Variants in EFS observed in about 807,000 individuals in gnomAD.
EFS encodes the protein Cas scaffolding protein family member 3.
Under a neutral mutation model 42.2 loss-of-function variants are expected in EFS, and 34 were observed. That is an observed-to-expected ratio of 0.81 (90% CI 0.61 to 1.07). EFS has a LOEUF of 1.07. Among genes scored for constraint, EFS ranks in the 50% least tolerant of loss-of-function variants. EFS has a pLI of 0.00. For synonymous variants in EFS, 299 were observed against 320.7 expected (o/e 0.93, Z 0.72); for missense variants, 717 against 729.4 (o/e 0.98, Z 0.20).
In EFS at chr14:23,360,266, G is replaced by A. The variant is rs1890099715; in HGVS notation, c.313C>T (p.Pro105Ser). The change falls in exon 3 of 6, where the codon CCC (proline) becomes TCC (serine). Residue 105 changes from proline (P) to serine (S), a missense_variant. Physicochemically the swap from Pro to Ser is moderately conservative, Grantham distance 74 (BLOSUM62 -1). Transcript: ENST00000216733. ...NEDQEVYVVP[P>S]PARPCPTSGP... ...GAGGTTGGACAGGGCCGAGCTGGGGGCGGCACCACATACACCTGAGGGATC... is the reference window on the plus strand; with the variant it reads ...GAGGTTGGACAGGGCCGAGCTGGGGACGGCACCACATACACCTGAGGGATC... 1.9e-6 allele frequency: 3 copies of A among 1,612,810 alleles called. No homozygotes were observed. Among genetic ancestry groups the A allele is most frequent in the Non-Finnish European group, 2.5e-6 (3 of 1,179,416 alleles).
rs1318224701 is a variant in EFS, at chr14:23,364,993, C to T, written c.18+15G>A. 3.0e-6 allele frequency: 4 copies of T among 1,318,988 alleles called. No homozygotes were observed. Among genetic ancestry groups the T allele is most frequent in the Non-Finnish European group, 3.9e-6 (4 of 1,024,506 alleles). 81.7% of individuals were successfully genotyped at this position (1,318,988 alleles called of 1,614,324 possible). On this transcript the variant is annotated intron_variant, in intron 1 of 5. Transcript: ENST00000216733. ...AGGTCTCTCCCCGGCAGCCTCCACT[C>T]CCTGGTGGACTCACCGACGTGGCAA...
rs531521647 is a variant in EFS at position 23,359,381 on chromosome 14, G to C, written c.1097C>G (p.Ala366Gly). The change falls in exon 4 of 6, where the codon GCA becomes GGA. Residue 366 changes from alanine (A) to glycine (G), a missense_variant. Physicochemically the swap from Ala to Gly is moderately conservative, Grantham distance 60. Transcript: ENST00000216733. ...GCCCTCGTACTCATTGTGGTGTCCT[G>C]CTGGGTCATCCTCCATCTCCCTGCC... ...PEGREMEDDP[A>G]GHHNEYEGIP... The C allele has an allele frequency of 1.2e-6, 2 of 1,612,988 alleles. No individual in the cohort carries two copies. Among genetic ancestry groups the C allele is most frequent in the African/African-American group, 2.7e-5 (2 of 75,006 alleles).
At position 23,359,381 on chromosome 14, in the gene EFS, G is replaced by A; in HGVS notation, c.1097C>T (p.Ala366Val). Residue 366 changes from alanine (A) to valine (V), a missense_variant, in exon 4 of 6, where the codon GCA becomes GTA. Ala to Val is a moderately conservative substitution (Grantham distance 64). Coordinates refer to ENST00000216733, the MANE Select transcript of EFS (RefSeq NM_005864.4). ...GCCCTCGTACTCATTGTGGTGTCCT[G>A]CTGGGTCATCCTCCATCTCCCTGCC... Reference protein sequence around the residue: ...PEGREMEDDPAGHHNEYEGIP... With the variant: ...PEGREMEDDPVGHHNEYEGIP... 2 of 1,612,988 alleles carry A rather than the reference G, an allele frequency of 1.2e-6. No homozygotes were observed. The highest frequency in any genetic ancestry group is 1.1e-5 in the South Asian group (1 of 91,068).
At chr14:23,361,420 G>A (rs543611510) in intron 1 of EFS, among the ~76,000 whole-genome samples, 1 of 152,274 alleles carries the variant, frequency 6.6e-6, no homozygotes, top group Non-Finnish European at 1.5e-5. Flanking sequence ...GTGTGCCTAG[G>A]CATAATAAGA....
At chr14:23,364,916 G>C (rs1305422717) in intron 1 of EFS, 92 bp downstream of exon 1, 5 of 1,144,978 alleles carry the variant, frequency 4.4e-6, no homozygotes, top group South Asian at 8.5e-5. Flanking sequence ...ACCAAGGAGA[G>C]AGACAAAGAG....
At chr14:23,360,531 G>C in intron 2 of EFS, 24 bp downstream of exon 2, 1 of 1,524,192 alleles carries the variant, frequency 6.6e-7, no homozygotes. Flanking sequence ...TCTGGCTTGG[G>C]GTTGGGGAGG....
rs776427883 is a variant in EFS at position 23,357,435 on chromosome 14, G to A, written c.1477C>T (p.Arg493Trp). ...RLVFVGDTLG[R>W]LAASAPLRAQ... ...CTCAGAGGGGCAGAGGCTGCCAGCC[G>A]GCCCAGGGTGTCCCCAACAAACACC... The change falls in exon 6 of 6, where the codon CGG (arginine) becomes TGG (tryptophan). Residue 493 changes from arginine to tryptophan, a missense_variant. Coordinates refer to ENST00000216733, the MANE Select transcript of EFS (RefSeq NM_005864.4). 7 of 1,613,330 alleles carry A rather than the reference G, an allele frequency of 4.3e-6. No individual in the cohort carries two copies. In the Admixed American group the frequency reaches 5.0e-5, roughly 12 times the overall value.
In EFS at chr14:23,359,338, C is replaced by T. The variant is rs1890036057; in HGVS notation, c.1140G>A (p.Glu380=). The T allele has an allele frequency of 6.2e-7, 1 of 1,613,190 alleles. No homozygotes were observed. The highest frequency in any genetic ancestry group is 8.5e-7 in the Non-Finnish European group (1 of 1,179,982). ...TCACCTTCAGGTGGACATAGTCATA[C>T]TCCTCGGCCATCGGAATGCCCTCGT... ...NEYEGIPMAE[E]YDYVHLKGMD... The change falls in exon 4 of 6, where the codon GAG becomes GAA. Residue 380 remains glutamate (E), a synonymous_variant. Coordinates refer to ENST00000216733, the MANE Select transcript of EFS (RefSeq NM_005864.4).
chr14:23,360,632 G>GA lies in EFS; in HGVS notation c.219_220insT (p.Pro74SerfsTer23). 1 of 1,608,612 alleles carries GA rather than the reference G, an allele frequency of 6.2e-7. No individual in the cohort carries two copies. ...GCTGGGGACGCAGGAGAGAGGCTGG[G>GA]CTTGGGTGCTGGGCCAGCAGGCAAG... On this transcript the variant is annotated frameshift_variant, in exon 2 of 6. Transcript: ENST00000216733. LOFTEE classifies it high-confidence loss of function.
rs560905825 is a variant in EFS at position 23,362,024 on chromosome 14, TAAAA to T, written c.19-1195_19-1192del. ...ACAATTACAAATGTAGGAATCTACT[TAAAA>T]GAAAGAGTAGTAACAGTGGCTGAGA... On this transcript the variant is annotated intron_variant, in intron 1 of 5. Transcript: ENST00000216733. Among the ~76,000 whole-genome samples the T allele has an allele frequency of 1.4e-4, 21 of 152,274 alleles. No homozygotes were observed. The East Asian group carries it at 3.9e-3, about 28-fold the overall frequency.
At position 23,359,500 on chromosome 14, in the gene EFS, T is replaced by C; in HGVS notation, c.978A>G (p.Pro326=). ...PSPSPVPSPA[P]GRKGSIQDRP... ...GGTCCTGGATGCTGCCCTTCCGGCC[T>C]GGGGCAGGAGAGGGCACTGGGGAGG... Residue 326 remains proline (P), a synonymous_variant, in exon 4 of 6, where the codon CCA becomes CCG. Coordinates refer to ENST00000216733, the MANE Select transcript of EFS (RefSeq NM_005864.4). 1.6e-6 allele frequency: 2 copies of C among 1,288,874 alleles called. No homozygotes were observed. The highest frequency in any genetic ancestry group is 2.0e-6 in the Non-Finnish European group (2 of 996,664). The allele number at this position is 1,288,874 out of a possible 1,614,324, so 79.8% of individuals were successfully genotyped here. A position where few individuals can be genotyped will look rare whatever the true frequency, so the allele number is the denominator to read the frequency against.
At chr14:23,364,791 G>A (rs939242467) in intron 1 of EFS, among the ~76,000 whole-genome samples, 1 of 152,112 alleles carries the variant, frequency 6.6e-6, no homozygotes, top group East Asian at 1.9e-4. Flanking sequence ...AGAATGGGGA[G>A]GGGGCGGGGA....
At chr14:23,362,877 C>T (rs923237044) in intron 1 of EFS, among the ~76,000 whole-genome samples, 24 of 151,982 alleles carry the variant, frequency 1.6e-4, no homozygotes, top group African/African-American at 5.8e-4. Context: ...ACCGTTGCGA[C>T]CCACTGCTTG....
chr14:23,361,227 T>C (rs1890144605), intron 1 of EFS, among the ~76,000 whole-genome samples: 1 of 152,248 alleles, frequency 6.6e-6, no homozygotes, highest in Non-Finnish European at 1.5e-5. Flanking sequence ...CAATAAGGCC[T>C]GACCTGGAAT....
intron 1 of EFS, among the ~76,000 whole-genome samples, chr14:23,362,635 T>C (rs1446066806): frequency 2.6e-5 from 4 of 152,272 alleles, no homozygotes; most frequent in Non-Finnish European, 5.9e-5. Flanking sequence ...CTTTTCTTTT[T>C]AGTTGTAAAT....
At chr14:23,359,270 T>C (rs2138534665) in intron 4 of EFS, 47 bp downstream of exon 4, 1 of 1,610,848 alleles carries the variant, frequency 6.2e-7, no homozygotes, top group Non-Finnish European at 8.5e-7. Context: ...CCCCTCCCCT[T>C]GGTCCCTCTG....
intron 1 of EFS, among the ~76,000 whole-genome samples, chr14:23,363,978 T>G (rs957991883): frequency 6.6e-6 from 1 of 151,154 alleles, no homozygotes; most frequent in African/African-American, 2.4e-5. Flanking sequence ...AGAACCAAAC[T>G]TGAACCTGTC....
rs757472061 is a variant in EFS at position 23,359,752 on chromosome 14, G to A, written c.726C>T (p.Asp242=). Residue 242 remains aspartate, a synonymous_variant, in exon 4 of 6, where the codon GAC becomes GAT. Transcript: ENST00000216733. ...CCTCATCAGTGCCCCCGCCCTCCCCGTCTGCCAGCAGTTCCTCGGGTGCTT... is the reference window on the plus strand; with the variant it reads ...CCTCATCAGTGCCCCCGCCCTCCCCATCTGCCAGCAGTTCCTCGGGTGCTT... ...LYEAPEELLA[D]GEGGGTDEGI... 74 of 1,514,998 alleles carry A rather than the reference G, an allele frequency of 4.9e-5. No homozygotes were observed. Among genetic ancestry groups the A allele is most frequent in the Non-Finnish European group, 5.6e-5 (64 of 1,133,240 alleles). 93.8% of individuals were successfully genotyped at this position (1,514,998 alleles called of 1,614,324 possible).
At position 23,359,450 on chromosome 14, in the gene EFS, C is replaced by A; in HGVS notation, c.1028G>T (p.Arg343Leu). The A allele has an allele frequency of 1.9e-6, 1 of 515,878 alleles. No individual in the cohort carries two copies. Among genetic ancestry groups the A allele is most frequent in the Non-Finnish European group, 3.1e-6 (1 of 318,752 alleles). 32.0% of individuals were successfully genotyped at this position (515,878 alleles called of 1,614,324 possible). A position where few individuals can be genotyped will look rare whatever the true frequency, so the allele number is the denominator to read the frequency against. Residue 343 changes from arginine to leucine, a missense_variant, in exon 4 of 6, where the codon CGC (arginine) becomes CTC (leucine). Arg to Leu is a moderately radical substitution (Grantham distance 102, BLOSUM62 -2). Transcript: ENST00000216733. Reference sequence around the variant, plus strand: ...CTTGGGGCCTCCATAACCAGGCAGGCGGGGTGGGGGTGGGGGCAGAGGCCG... The same window carrying A: ...CTTGGGGCCTCCATAACCAGGCAGGAGGGGTGGGGGTGGGGGCAGAGGCCG... Reference protein sequence around the residue: ...QDRPLPPPPPRLPGYGGPKVE... With the variant: ...QDRPLPPPPPLLPGYGGPKVE...
Sources: gnomAD v4.1 joint callset for allele counts (sites outside exome capture counted in the v4.1 genomes callset) on GRCh38, gnomAD v4.1.1 for gene constraint, MANE v1.5 for transcripts, NCBI Gene and HGNC (gene_info 2026-07-23, HGNC 2026-07-21) for gene names.